The following TPD52 variants were observed in gnomAD, a reference collection of about 807,000 sequenced individuals.
The protein encoded by TPD52 is prostate and colon associated protein.
TPD52 carries 17 observed loss-of-function variants against 31.3 expected under a neutral mutation model. The observed-to-expected ratio is 0.54, with a 90% CI of 0.37 to 0.82. The LOEUF (loss-of-function observed/expected upper bound fraction) is 0.82. TPD52 is among the 40% of genes least tolerant of loss of function. The probability of loss-of-function intolerance (pLI) is 0.00; values close to 1 mark genes in which losing one functional copy is unlikely to be tolerated. For synonymous variants in TPD52, 83 were observed against 89.6 expected, an observed-to-expected ratio of 0.93 and a Z score of 0.42; for missense variants, 212 against 240.1, an observed-to-expected ratio of 0.88 and a Z score of 0.77.
Position 80,036,660 on chromosome 8 carries a change from A to G in TPD52, c.*1456T>C, listed in dbSNP as rs191455137. 445 of 152,766 alleles carry G rather than the reference A, an allele frequency of 2.9e-3. No individual in the cohort carries two copies. Among genetic ancestry groups the G allele is most frequent in the Non-Finnish European group, 4.6e-3 (315 of 68,030 alleles). 9.5% of individuals were successfully genotyped at this position (152,766 alleles called of 1,614,324 possible). ...TAGTTTTAATTGCATCCAAAGTACT[A>G]ACAAAAACTCTAGCAATCAAGAATG... On this transcript the variant is annotated 3_prime_UTR_variant, in exon 8 of 8. Transcript: ENST00000518937.
At chr8:80,038,448 T>C (rs994846382) in intron 7 of TPD52, among the ~76,000 whole-genome samples, 4 of 152,158 alleles carry the variant, frequency 2.6e-5, no homozygotes, top group Admixed American at 1.3e-4. Flanking sequence ...AATATTCAGA[T>C]TGGTAAATTC....
chr8:80,136,184 A>AAAAAAAAAAAAAC lies in TPD52; in HGVS notation c.19+35240_19+35241insGTTTTTTTTTTTT, dbSNP rs1171751172. Among the ~76,000 whole-genome samples, 3 of 149,740 alleles carry AAAAAAAAAAAAAC rather than the reference A, an allele frequency of 2.0e-5. No homozygotes were observed. The East Asian group carries it at 5.9e-4, about 29-fold the overall frequency. On this transcript the variant is annotated intron_variant, in intron 1 of 7. Coordinates refer to ENST00000518937, the MANE Select transcript of TPD52 (RefSeq NM_001025253.3). ...AAAAATTTCAGTCTTTGAGGTTAAAAAAAAAACAAGCACACTCACACACAC... is the reference window on the plus strand; with the variant it reads ...AAAAATTTCAGTCTTTGAGGTTAAAAAAAAAAAAAAAACAAAAAACAAGCACACTCACACACAC...
intron 1 of TPD52, among the ~76,000 whole-genome samples, chr8:80,077,033 T>A (rs971727343): frequency 1.3e-5 from 2 of 151,798 alleles, no homozygotes; most frequent in Non-Finnish European, 2.9e-5. Flanking sequence ...TCCCAGCACT[T>A]TGGGAGGCCG....
chr8:80,165,159 A>C (rs1464679661), intron 1 of TPD52, among the ~76,000 whole-genome samples: 2 of 152,182 alleles, frequency 1.3e-5, no homozygotes, highest in Non-Finnish European at 2.9e-5. Context: ...AGTAAGACTT[A>C]TACTGAGAAA....
At chr8:80,107,237 C>G (rs1807198255) in intron 1 of TPD52, among the ~76,000 whole-genome samples, 1 of 152,208 alleles carries the variant, frequency 6.6e-6, no homozygotes, top group Admixed American at 6.5e-5. Context: ...GAATCTGTTA[C>G]TAATTTCAAA....
intron 2 of TPD52, among the ~76,000 whole-genome samples, chr8:80,055,808 G>C (rs1312765596): frequency 6.6e-6 from 1 of 152,126 alleles, no homozygotes; most frequent in Non-Finnish European, 1.5e-5. Flanking sequence ...CTAATCATCA[G>C]GGAAATGCAA....
At chr8:80,042,929 C>T (rs574222765) in intron 6 of TPD52, 3 of 306,918 alleles carry the variant, frequency 9.8e-6, no homozygotes, top group East Asian at 5.5e-5. Context: ...TGGTCAAGTA[C>T]GTGTGTAAGG....
chr8:80,045,898 C>T lies in TPD52; in HGVS notation c.414-1690G>A, dbSNP rs535799252. 5.3e-5 allele frequency among the ~76,000 whole-genome samples: 8 copies of T among 152,244 alleles called. No homozygotes were observed. In the East Asian group the frequency reaches 1.2e-3, roughly 22 times the overall value. On this transcript the variant is annotated intron_variant, in intron 5 of 7. Transcript: ENST00000518937. ...TTAGGACATTCATTTTGGCAGAAAT[C>T]GCTGAAAAAGAAGGTAATGGCCAAA...
At chr8:80,094,531 G>A (rs1816585326) in intron 1 of TPD52, among the ~76,000 whole-genome samples, 1 of 135,602 alleles carries the variant, frequency 7.4e-6, no homozygotes, top group African/African-American at 2.6e-5. Context: ...GTTGCCAATA[G>A]CCACTGAGAT....
chr8:80,043,186 G>A (rs529040949), intron 6 of TPD52, among the ~76,000 whole-genome samples: 1 of 152,292 alleles, frequency 6.6e-6, no homozygotes, highest in South Asian at 2.1e-4. Context: ...GGACCAAAAA[G>A]AAGGGGGAGA....
At chr8:80,082,340 T>C (rs984778688) in intron 1 of TPD52, among the ~76,000 whole-genome samples, 3 of 152,192 alleles carry the variant, frequency 2.0e-5, no homozygotes, top group Non-Finnish European at 4.4e-5. Flanking sequence ...GTCCCTAGAC[T>C]AGAAAGAGTA....
chr8:80,086,408 A>G (rs1488943562), intron 1 of TPD52, among the ~76,000 whole-genome samples: 2 of 151,458 alleles, frequency 1.3e-5, no homozygotes, highest in Non-Finnish European at 2.9e-5. Flanking sequence ...TGAGCCACCG[A>G]GCCTGACCGG....
At chr8:80,134,928 A>C (rs968380459) in intron 1 of TPD52, among the ~76,000 whole-genome samples, 8 of 152,330 alleles carry the variant, frequency 5.3e-5, no homozygotes, top group African/African-American at 1.4e-4. Context: ...ACAGCGATAG[A>C]TAACTAATGC....
At chr8:80,170,406 A>G (rs1162439893) in intron 1 of TPD52, among the ~76,000 whole-genome samples, 2 of 151,560 alleles carry the variant, frequency 1.3e-5, no homozygotes, top group African/African-American at 4.8e-5. Flanking sequence ...ACAGGTGGAG[A>G]CTCAAAAAAA....
rs1294223804 is a variant in TPD52, at chr8:80,144,461, C to T, written c.19+26964G>A. Among the ~76,000 whole-genome samples, 4 of 152,240 alleles carry T rather than the reference C, an allele frequency of 2.6e-5. No homozygotes were observed. In the East Asian group the frequency reaches 7.7e-4, roughly 29 times the overall value. On this transcript the variant is annotated intron_variant, in intron 1 of 7. Transcript: ENST00000518937. The stretch of plus-strand genomic sequence containing the variant: ...GAGGTTAAATGACCTTTTGCTCCTG[C>T]TCCTGTTCCTGAGGGCCTGTCTTTG...
At chr8:80,075,862 G>A (rs1814474339) in intron 1 of TPD52, among the ~76,000 whole-genome samples, 1 of 152,152 alleles carries the variant, frequency 6.6e-6, no homozygotes, top group African/African-American at 2.4e-5. Flanking sequence ...TAAGACTGAT[G>A]CAATCATGAA....
chr8:80,084,265 C>A (rs765033930), intron 1 of TPD52, among the ~76,000 whole-genome samples: 5 of 152,220 alleles, frequency 3.3e-5, no homozygotes, highest in Non-Finnish European at 5.9e-5. Context: ...GTTCCCACCC[C>A]CTGGCCCCAG....
At chr8:80,140,950 C>CGTGTGTGTGTGTGTGTGTGTGTGT (rs142097159) in intron 1 of TPD52, among the ~76,000 whole-genome samples, 17 of 143,676 alleles carry the variant, frequency 1.2e-4, no homozygotes, top group African/African-American at 2.9e-4. Context: ...CAATACAACT[C>CGTGTGTGTGTGTGTGTGTGTGTGT]GTGTGTGTGT....
intron 2 of TPD52, among the ~76,000 whole-genome samples, chr8:80,064,002 A>G (rs1812838467): frequency 1.5e-5 from 2 of 129,974 alleles, no homozygotes; most frequent in African/African-American, 2.9e-5. Context: ...GGAAGGAAGA[A>G]AGAGAGGGGA....
Sources: gnomAD v4.1 joint callset for allele counts (sites outside exome capture counted in the v4.1 genomes callset) on GRCh38, gnomAD v4.1.1 for gene constraint, MANE v1.5 for transcripts, NCBI Gene and HGNC (gene_info 2026-07-23, HGNC 2026-07-21) for gene names.